The following CLTCL1 variants were observed in gnomAD, a reference collection of about 807,000 sequenced individuals.
CLTCL1 encodes clathrin heavy chain like 1, also known as clathrin heavy chain 2.
In CLTCL1, 159 loss-of-function variants were observed where a neutral mutation model predicts 190.0. The observed-to-expected ratio is 0.84, with a 90% CI of 0.74 to 0.95. The LOEUF (loss-of-function observed/expected upper bound fraction) is 0.95, where lower values mean the gene tolerates loss of function less well. Ranked by LOEUF, CLTCL1 falls within the 40% of genes least tolerant of loss-of-function variation. The pLI, the probability that CLTCL1 is intolerant of heterozygous loss-of-function variation, is 0.00. For synonymous variants in CLTCL1, 752 were observed against 769.6 expected (o/e 0.98, Z 0.38); for missense variants, 1,878 against 2,033.4 (o/e 0.92, Z 1.47).
In CLTCL1 at chr22:19,225,762, T is replaced by G. The variant is rs1432600241; in HGVS notation, c.1948-129A>C. The stretch of plus-strand genomic sequence containing the variant: ...TACAGAGAATTTCCACATAAAGGGG[T>G]TGAAAAGCAACTATCCATCACGGGA... On this transcript the variant is annotated intron_variant, in intron 12 of 32. Coordinates refer to ENST00000427926, the MANE Select transcript of CLTCL1 (RefSeq NM_007098.4). The G allele has an allele frequency of 1.2e-5, 10 of 864,266 alleles. No homozygotes were observed. In the Admixed American group the frequency reaches 2.3e-4, roughly 20 times the overall value. The allele number at this position is 864,266 out of a possible 1,614,324, so 53.5% of individuals were successfully genotyped here.
intron 1 of CLTCL1, among the ~76,000 whole-genome samples, chr22:19,277,152 T>G (rs1178833689): frequency 1.3e-5 from 2 of 152,206 alleles, no homozygotes; most frequent in African/African-American, 4.8e-5. Context: ...CTGTTCATAC[T>G]GAGAGTATAA....
chr22:19,284,641 CAA>C (rs2146370698), intron 1 of CLTCL1, among the ~76,000 whole-genome samples: 2 of 151,992 alleles, frequency 1.3e-5, no homozygotes, highest in South Asian at 4.2e-4. Flanking sequence ...GCCTGGGCAA[CAA>C]GAGTGAAACT....
At chr22:19,185,610 G>A (rs1470606055) in intron 29 of CLTCL1, among the ~76,000 whole-genome samples, 3 of 152,148 alleles carry the variant, frequency 2.0e-5, no homozygotes, top group African/African-American at 7.2e-5. Flanking sequence ...ACAGGCATGA[G>A]CCAACGCGCC....
intron 22 of CLTCL1, among the ~76,000 whole-genome samples, chr22:19,204,285 C>T (rs1601508529): frequency 1.3e-5 from 2 of 152,192 alleles, no homozygotes; most frequent in Admixed American, 6.5e-5. Flanking sequence ...AAGCCTCTCT[C>T]GCTGGATGGC....
At chr22:19,186,644 G>A (rs781856384) in intron 29 of CLTCL1, among the ~76,000 whole-genome samples, 10 of 151,402 alleles carry the variant, frequency 6.6e-5, no homozygotes, top group South Asian at 2.1e-4. Flanking sequence ...TCTGTCACCC[G>A]GGATGGAATG....
At chr22:19,275,595 T>G in intron 2 of CLTCL1, 28 bp downstream of exon 2, 1 of 1,561,420 alleles carries the variant, frequency 6.4e-7, no homozygotes, top group African/African-American at 1.3e-5. Context: ...GAGGTAAGAT[T>G]CCTTTCTAAC....
intron 1 of CLTCL1, among the ~76,000 whole-genome samples, chr22:19,283,911 G>C (rs1288167246): frequency 6.7e-6 from 1 of 149,604 alleles, no homozygotes; most frequent in East Asian, 2.0e-4. Flanking sequence ...AGAATCGCTT[G>C]AAACCAGGAG....
chr22:19,191,238 T>C, intron 27 of CLTCL1, 66 bp downstream of exon 27: 3 of 1,587,422 alleles, frequency 1.9e-6, no homozygotes. Flanking sequence ...AAAGGTGCTA[T>C]CATTCAGATG....
chr22:19,197,455 C>T (rs1200423738), intron 24 of CLTCL1, among the ~76,000 whole-genome samples: 1 of 152,198 alleles, frequency 6.6e-6, no homozygotes, highest in South Asian at 2.1e-4. Context: ...ACCAAGGCCA[C>T]AGCTCCGGTG....
intron 1 of CLTCL1, among the ~76,000 whole-genome samples, chr22:19,283,991 CAAA>C (rs1221211147): frequency 1.6e-4 from 10 of 62,414 alleles, no homozygotes; most frequent in Admixed American, 3.7e-4. Flanking sequence ...GACCCTGTCT[CAAA>C]AAAAAAAAAA....
chr22:19,272,978 G>A (rs896265370), intron 2 of CLTCL1, among the ~76,000 whole-genome samples: 2 of 152,054 alleles, frequency 1.3e-5, no homozygotes, highest in Admixed American at 6.6e-5. Flanking sequence ...GCTGCTTCAC[G>A]AGCCCCTTTC....
At chr22:19,284,369 A>C (rs1179305593) in intron 1 of CLTCL1, among the ~76,000 whole-genome samples, 2 of 152,200 alleles carry the variant, frequency 1.3e-5, no homozygotes, top group Non-Finnish European at 1.5e-5. Context: ...TTTTTAAAAC[A>C]TACTTTGAGG....
chr22:19,222,491 G>A (rs1344003762), intron 15 of CLTCL1, among the ~76,000 whole-genome samples, 193 bp downstream of exon 15: 2 of 152,168 alleles, frequency 1.3e-5, no homozygotes, highest in Non-Finnish European at 2.9e-5. Flanking sequence ...CCAAAACTGT[G>A]AGAAATAAAT....
At chr22:19,187,233 T>C (rs564089488) in intron 29 of CLTCL1, among the ~76,000 whole-genome samples, 12 of 152,308 alleles carry the variant, frequency 7.9e-5, no homozygotes, top group Admixed American at 7.9e-4. Flanking sequence ...GGAAGTAAAG[T>C]AGGTGCCAAG....
chr22:19,262,397 C>T (rs1555975987), intron 2 of CLTCL1, among the ~76,000 whole-genome samples: 2 of 150,970 alleles, frequency 1.3e-5, no homozygotes, highest in Admixed American at 1.3e-4. Context: ...CTTTGGGAGG[C>T]TGAGGCAGGT....
At chr22:19,266,064 G>A (rs1321147857) in intron 2 of CLTCL1, among the ~76,000 whole-genome samples, 1 of 148,374 alleles carries the variant, frequency 6.7e-6, no homozygotes, top group Non-Finnish European at 1.5e-5. Context: ...TTTTTAATTT[G>A]TAGAGATGGA....
At chr22:19,263,031 T>TAAAA (rs782074357) in intron 2 of CLTCL1, among the ~76,000 whole-genome samples, 1 of 127,112 alleles carries the variant, frequency 7.9e-6, no homozygotes. Flanking sequence ...ACTCCATCTT[T>TAAAA]AAAAAAAAAA....
chr22:19,246,884 G>A (rs1303706939), intron 3 of CLTCL1, among the ~76,000 whole-genome samples: 1 of 151,994 alleles, frequency 6.6e-6, no homozygotes, highest in Admixed American at 6.6e-5. Flanking sequence ...AGTGTTCTTT[G>A]TATATCTGGA....
Position 19,285,192 on chromosome 22 carries a change from G to A in CLTCL1, c.42+6408C>T, listed in dbSNP as rs192130430. Among the ~76,000 whole-genome samples the A allele has an allele frequency of 1.3e-3, 195 of 149,402 alleles. 1 individual carries two copies. The highest frequency in any genetic ancestry group is 7.4e-3 in the Middle Eastern group (2 of 270). On this transcript the variant is annotated intron_variant, in intron 1 of 32. Coordinates refer to ENST00000427926, the MANE Select transcript of CLTCL1 (RefSeq NM_007098.4). Reference sequence around the variant, plus strand: ...CGGGAGGCTGAGGCAGGAGAATGGCGTGAACCCTGGAGGCAGAGGTTGCAG... The same window carrying A: ...CGGGAGGCTGAGGCAGGAGAATGGCATGAACCCTGGAGGCAGAGGTTGCAG...
Sources: gnomAD v4.1 joint callset for allele counts (sites outside exome capture counted in the v4.1 genomes callset) on GRCh38, gnomAD v4.1.1 for gene constraint, MANE v1.5 for transcripts, NCBI Gene and HGNC (gene_info 2026-07-23, HGNC 2026-07-21) for gene names.